VPS13D: variants seen among roughly 807,000 people sequenced by gnomAD.
The protein encoded by VPS13D is intermembrane lipid transfer protein VPS13D.
In VPS13D, 187 loss-of-function variants were observed where a neutral mutation model predicts 461.9. That is an observed-to-expected ratio of 0.40 (90% confidence interval 0.36 to 0.46). The LOEUF (loss-of-function observed/expected upper bound fraction) is 0.46, where lower values mean the gene tolerates loss of function less well. VPS13D is among the 20% of genes least tolerant of loss of function. The pLI is 0.60. For synonymous variants in VPS13D, 1,951 were observed against 1,986.3 expected, an observed-to-expected ratio of 0.98 and a Z score of 0.47; for missense variants, 4,711 against 5,364.9, an observed-to-expected ratio of 0.88 and a Z score of 3.81.
Position 12,304,573 on chromosome 1 carries a change from A to C in VPS13D, c.6284A>C (p.Glu2095Ala). 6.2e-7 allele frequency: 1 copy of C among 1,614,142 alleles called. No homozygotes were observed. The highest frequency in any genetic ancestry group is 8.5e-7 in the Non-Finnish European group (1 of 1,180,034). The part of the protein sequence containing the change: ...KHSLRKTTST[E>A]EPRGTHSQGQ... ...AGTCTGAGGAAAACGACAAGCACGGAGGAGCCCAGGGGAACCCATTCCCAG... is the reference window on the plus strand; with the variant it reads ...AGTCTGAGGAAAACGACAAGCACGGCGGAGCCCAGGGGAACCCATTCCCAG... The change falls in exon 26 of 70, where the codon GAG (glutamate) becomes GCG (alanine). Residue 2095 changes from glutamate to alanine, a missense_variant. Transcript: ENST00000620676.
In VPS13D at chr1:12,400,233, C is replaced by T. The variant is rs1351044505; in HGVS notation, c.11687C>T (p.Pro3896Leu). The T allele has an allele frequency of 1.2e-6, 2 of 1,614,122 alleles. No individual in the cohort carries two copies. The highest frequency in any genetic ancestry group is 1.7e-6 in the Non-Finnish European group (2 of 1,180,034). ...TTQPFMLYVT[P>L]LSNENEVIET... ...CAGCCCTTCATGCTCTATGTGACTCCCCTGAGCAATGAGAATGAGGTCATC... is the reference window on the plus strand; with the variant it reads ...CAGCCCTTCATGCTCTATGTGACTCTCCTGAGCAATGAGAATGAGGTCATC... Residue 3896 changes from proline (P) to leucine (L), a missense_variant, in exon 61 of 70, where the codon CCC becomes CTC. By Grantham distance (98) the Pro-to-Leu change is moderately conservative. Transcript: ENST00000620676.
At chr1:12,411,490 A>G (rs1644727564) in intron 63 of VPS13D, among the ~76,000 whole-genome samples, 1 of 143,190 alleles carries the variant, frequency 7.0e-6, no homozygotes, top group Non-Finnish European at 1.5e-5. Context: ...GGAAGGAAGG[A>G]AGGAGGGAGG....
At chr1:12,386,553 G>T (rs1320418771) in intron 60 of VPS13D, among the ~76,000 whole-genome samples, 1 of 152,104 alleles carries the variant, frequency 6.6e-6, no homozygotes, top group Non-Finnish European at 1.5e-5. Context: ...ACTCAGTCAG[G>T]GTGTCATGGA....
At chr1:12,232,180 G>A (rs1231216456) in intron 1 of VPS13D, among the ~76,000 whole-genome samples, 1 of 151,926 alleles carries the variant, frequency 6.6e-6, no homozygotes, top group Non-Finnish European at 1.5e-5. Context: ...GAAAGAAATT[G>A]GTCAAATATT....
chr1:12,480,163 C>G (rs1645694329), intron 67 of VPS13D, among the ~76,000 whole-genome samples: 1 of 152,230 alleles, frequency 6.6e-6, no homozygotes, highest in Admixed American at 6.5e-5. Context: ...CTTCCAAGTT[C>G]ACAGTGTGCC....
chr1:12,435,367 G>A (rs1303411577), intron 65 of VPS13D, among the ~76,000 whole-genome samples: 3 of 152,090 alleles, frequency 2.0e-5, no homozygotes, highest in African/African-American at 4.8e-5. Flanking sequence ...AGGCTGAGGT[G>A]GGAGGATCAT....
rs1256093241 is a variant in VPS13D at position 12,400,346 on chromosome 1, A to G, written c.11784+16A>G. 2 of 1,613,490 alleles carry G rather than the reference A, an allele frequency of 1.2e-6. No homozygotes were observed. Among genetic ancestry groups the G allele is most frequent in the Non-Finnish European group, 1.7e-6 (2 of 1,179,754 alleles). On this transcript the variant is annotated intron_variant, in intron 61 of 69. Transcript: ENST00000620676. ...CATCTACAAGGTGGGCTGGTGGAGG[A>G]GGCTGGTGGGTTGATGCCATGCTGG...
chr1:12,411,024 G>A (rs1644719683), intron 63 of VPS13D, among the ~76,000 whole-genome samples: 3 of 152,194 alleles, frequency 2.0e-5, no homozygotes, highest in African/African-American at 4.8e-5. Flanking sequence ...TGGTGAGATA[G>A]TAAAAGCTTT....
At chr1:12,322,858 T>C in intron 34 of VPS13D, 112 bp downstream of exon 34, 1 of 920,286 alleles carries the variant, frequency 1.1e-6, no homozygotes, top group Non-Finnish European at 1.6e-6. Flanking sequence ...TTGTATGTCA[T>C]TAAGTATAAC....
In VPS13D at chr1:12,399,941, G is replaced by A. The variant is rs1478754851; in HGVS notation, c.11635-240G>A. 2.6e-5 allele frequency among the ~76,000 whole-genome samples: 4 copies of A among 152,188 alleles called. No homozygotes were observed. In the East Asian group the frequency reaches 7.7e-4, roughly 29 times the overall value. Reference sequence around the variant, plus strand: ...TGCCTCACATACTTATTTTTTTGAGGTGAGAAAACAAAACCTATTCTCTTA... The same window carrying A: ...TGCCTCACATACTTATTTTTTTGAGATGAGAAAACAAAACCTATTCTCTTA... On this transcript the variant is annotated intron_variant, in intron 60 of 69. Coordinates refer to ENST00000620676, the MANE Select transcript of VPS13D (RefSeq NM_015378.4).
intron 22 of VPS13D, among the ~76,000 whole-genome samples, chr1:12,289,876 C>T (rs1368779393): frequency 6.6e-6 from 1 of 151,884 alleles, no homozygotes; most frequent in African/African-American, 2.4e-5. Flanking sequence ...GTCAAGGCTG[C>T]AGTGAGCCAT....
At chr1:12,394,310 C>T (rs1644467257) in intron 60 of VPS13D, among the ~76,000 whole-genome samples, 2 of 152,254 alleles carry the variant, frequency 1.3e-5, no homozygotes, top group African/African-American at 2.4e-5. Flanking sequence ...AGGAATGCAG[C>T]AGGCTTCCTA....
chr1:12,337,068 A>G (rs1330327575), intron 39 of VPS13D: 2 of 151,856 alleles, frequency 1.3e-5, no homozygotes, highest in Non-Finnish European at 2.9e-5. Flanking sequence ...CTTCCTTTTT[A>G]AAATTTTTGT....
rs1329699991 is a variant in VPS13D, at chr1:12,502,469, G to T, written c.12795-4384G>T. Among the ~76,000 whole-genome samples, 3 of 152,130 alleles carry T rather than the reference G, an allele frequency of 2.0e-5. No individual in the cohort carries two copies. In the East Asian group the frequency reaches 5.8e-4, roughly 29 times the overall value. On this transcript the variant is annotated intron_variant, in intron 68 of 69. Coordinates refer to ENST00000620676, the MANE Select transcript of VPS13D (RefSeq NM_015378.4). This position sits in a 1 kb window ranked among gnomAD's most constrained non-coding sequence, Gnocchi z 4.3. ...GACGAGCTGAGGTCCCCTGAAGAGG[G>T]CCTGGCACTCAGAGCGACACTGGGC...
At chr1:12,345,773 G>A (rs1002827278) in intron 43 of VPS13D, among the ~76,000 whole-genome samples, 12 of 152,166 alleles carry the variant, frequency 7.9e-5, no homozygotes, top group Admixed American at 6.5e-4. Flanking sequence ...GGCCTGACTG[G>A]CAGTTTACTA....
rs927039182 is a variant in VPS13D at position 12,234,370 on chromosome 1, A to T, written c.97+7A>T. On this transcript the variant is annotated splice_region_variant and intron_variant, in intron 2 of 69. Transcript: ENST00000620676. Reference sequence around the variant, plus strand: ...TCAGTTGCACTTCTCAAAGGTGAGTATTTCTCTGGGTGAGATACAGCTTTA... The same window carrying T: ...TCAGTTGCACTTCTCAAAGGTGAGTTTTTCTCTGGGTGAGATACAGCTTTA... The T allele has an allele frequency of 1.1e-5, 18 of 1,610,398 alleles. No homozygotes were observed. Among genetic ancestry groups the T allele is most frequent in the Non-Finnish European group, 1.4e-5 (17 of 1,177,266 alleles).
chr1:12,312,028 A>G (rs201566392), intron 29 of VPS13D, 103 bp downstream of exon 29: 99 of 938,868 alleles, frequency 1.1e-4, no homozygotes, highest in East Asian at 4.8e-4. Flanking sequence ...TGGCCCACAG[A>G]TGGAATGTTG....
intron 35 of VPS13D, among the ~76,000 whole-genome samples, chr1:12,327,343 G>A (rs1006275561): frequency 3.3e-5 from 5 of 152,190 alleles, no homozygotes; most frequent in Non-Finnish European, 7.3e-5. Context: ...TGGCATGGTA[G>A]AGAGGGATGG....
At chr1:12,322,097 G>C in intron 33 of VPS13D, 133 bp downstream of exon 33, 2 of 1,150,642 alleles carry the variant, frequency 1.7e-6, no homozygotes, top group Non-Finnish European at 2.4e-6. Context: ...ATGGAGTCTT[G>C]CTCTGTCGCC....
Sources: allele counts gnomAD v4.1 joint callset (sites outside exome capture counted in the v4.1 genomes callset), GRCh38; gene constraint gnomAD v4.1.1; non-coding constraint Gnocchi (gnomAD v3.1); transcripts MANE v1.5; gene names NCBI Gene and HGNC (gene_info 2026-07-23, HGNC 2026-07-21).